Variants in SMYD3 observed in about 807,000 individuals in gnomAD.
The protein encoded by SMYD3 is SET and MYND domain containing 3.
SMYD3 carries 36 observed loss-of-function variants against 57.7 expected under a neutral mutation model. The observed-to-expected ratio is 0.62, with a 90% CI of 0.48 to 0.82. SMYD3 has a LOEUF of 0.82. SMYD3 is among the 40% of genes least tolerant of loss of function. The probability of loss-of-function intolerance (pLI) is 0.00; values close to 1 mark genes in which losing one functional copy is unlikely to be tolerated. For missense variants in SMYD3, 515 were observed against 538.8 expected (o/e 0.96, Z 0.44); for synonymous variants, 211 against 195.0 (o/e 1.08, Z -0.68).
intron 8 of SMYD3, among the ~76,000 whole-genome samples, chr1:245,891,854 G>T (rs114676000): frequency 0.015 from 2,234 of 152,218 alleles, 47 homozygotes; most frequent in African/African-American, 0.045. Context: ...ACTAGCCTGG[G>T]CAATACAGTG....
At chr1:246,248,892 G>A (rs1377310856) in intron 5 of SMYD3, among the ~76,000 whole-genome samples, 4 of 140,318 alleles carry the variant, frequency 2.9e-5, no homozygotes, top group Admixed American at 7.5e-5. Flanking sequence ...TCCTGACCTC[G>A]TGACCCGCGC....
chr1:246,457,060 T>G (rs1241548182), intron 1 of SMYD3, among the ~76,000 whole-genome samples: 4 of 152,152 alleles, frequency 2.6e-5, no homozygotes, highest in Admixed American at 6.5e-5. Flanking sequence ...TTCCATCTCT[T>G]GAGTAGACTT....
intron 1 of SMYD3, among the ~76,000 whole-genome samples, chr1:246,443,831 T>C (rs1455125225): frequency 1.3e-5 from 2 of 152,236 alleles, no homozygotes; most frequent in Admixed American, 6.5e-5. Flanking sequence ...ATGAAATATG[T>C]CCACCAAACA....
intron 5 of SMYD3, among the ~76,000 whole-genome samples, chr1:246,220,185 T>C (rs891120004): frequency 2.6e-5 from 4 of 152,074 alleles, no homozygotes; most frequent in Non-Finnish European, 5.9e-5. Context: ...CTTCCACATC[T>C]GTTGACTAGG....
intron 5 of SMYD3, among the ~76,000 whole-genome samples, chr1:246,064,779 G>A (rs13376689): frequency 0.11 from 16,192 of 152,256 alleles, 954 homozygotes; most frequent in African/African-American, 0.13. Context: ...CTTCTAGACC[G>A]GACTGAACTT....
At chr1:245,787,089 C>A (rs907524616) in intron 10 of SMYD3, among the ~76,000 whole-genome samples, 7 of 152,214 alleles carry the variant, frequency 4.6e-5, no homozygotes, top group East Asian at 1.9e-4. Flanking sequence ...CTTTACAACG[C>A]CTTCTTCCAC....
intron 8 of SMYD3, among the ~76,000 whole-genome samples, chr1:245,898,481 G>A (rs998475472): frequency 2.6e-5 from 4 of 152,236 alleles, no homozygotes; most frequent in African/African-American, 4.8e-5. Flanking sequence ...GGCAACCTAT[G>A]AGTATGAAGT....
intron 8 of SMYD3, among the ~76,000 whole-genome samples, chr1:245,878,668 A>T (rs1479918799): frequency 6.6e-6 from 1 of 152,162 alleles, no homozygotes; most frequent in Admixed American, 6.5e-5. Flanking sequence ...CCAGCTGAGG[A>T]CAACTTGGCA....
chr1:245,804,647 T>C (rs1466802793), intron 10 of SMYD3, among the ~76,000 whole-genome samples: 2 of 152,236 alleles, frequency 1.3e-5, no homozygotes, highest in Admixed American at 1.3e-4. Context: ...ATGAGGGCTC[T>C]GCTCTTATAA....
chr1:246,331,088 T>C (rs2065452952), intron 3 of SMYD3, among the ~76,000 whole-genome samples: 2 of 152,284 alleles, frequency 1.3e-5, no homozygotes, highest in Non-Finnish European at 2.9e-5. Flanking sequence ...TGAGCTATGA[T>C]TGTGCTACTA....
intron 6 of SMYD3, among the ~76,000 whole-genome samples, chr1:245,929,364 G>A (rs1031953038): frequency 5.9e-5 from 9 of 152,204 alleles, no homozygotes; most frequent in Non-Finnish European, 5.9e-5. Flanking sequence ...GTGGAGAGAC[G>A]GTTTCATAGC....
chr1:245,870,837 A>AT (rs61457564), intron 8 of SMYD3, among the ~76,000 whole-genome samples: 4 of 150,422 alleles, frequency 2.7e-5, no homozygotes, highest in Admixed American at 1.3e-4. Flanking sequence ...CAGGTTAAAC[A>AT]CACGAATCCA....
At chr1:246,236,605 A>C (rs2333993) in intron 5 of SMYD3, among the ~76,000 whole-genome samples, 2 of 151,730 alleles carry the variant, frequency 1.3e-5, no homozygotes, top group African/African-American at 4.8e-5. Flanking sequence ...TAGTAGAGAC[A>C]GGGTTTCACT....
chr1:246,086,703 CT>C lies in SMYD3; in HGVS notation c.532-156767del, dbSNP rs201039814. 1.9e-3 allele frequency among the ~76,000 whole-genome samples: 279 copies of C among 150,498 alleles called. 1 individual carries two copies. The highest frequency in any genetic ancestry group is 5.9e-3 in the African/African-American group (243 of 40,928). On this transcript the variant is annotated intron_variant, in intron 5 of 11. Transcript: ENST00000490107. ...TATGACACCTAAAATGCCAAATTTT[CT>C]TTTTTTTTAATTTTTTTAATTTTTA...
chr1:246,092,502 A>G (rs1040700010), intron 5 of SMYD3, among the ~76,000 whole-genome samples: 4 of 152,188 alleles, frequency 2.6e-5, no homozygotes, highest in African/African-American at 9.6e-5. Flanking sequence ...CCAAGAACAT[A>G]CATTGGGGTA....
intron 8 of SMYD3, among the ~76,000 whole-genome samples, chr1:245,878,358 G>C (rs1185008580): frequency 1.3e-5 from 2 of 152,166 alleles, no homozygotes; most frequent in Non-Finnish European, 2.9e-5. Context: ...CCAACAGATG[G>C]GGCAGCAAGG....
intron 10 of SMYD3, among the ~76,000 whole-genome samples, chr1:245,801,463 T>A (rs925967367): frequency 4.6e-5 from 7 of 152,166 alleles, no homozygotes; most frequent in African/African-American, 1.4e-4. Context: ...CAAGTCTAAG[T>A]CCATGATTTA....
At chr1:246,363,042 G>A (rs370829463) in intron 1 of SMYD3, among the ~76,000 whole-genome samples, 8 of 142,656 alleles carry the variant, frequency 5.6e-5, no homozygotes, top group East Asian at 2.2e-4. Flanking sequence ...GCCGCCCATC[G>A]TCTGAGATGT....
intron 5 of SMYD3, among the ~76,000 whole-genome samples, chr1:246,113,189 AAAT>A (rs1165564061): frequency 2.9e-5 from 2 of 67,834 alleles, no homozygotes; most frequent in African/African-American, 2.3e-4. Flanking sequence ...CTCAAAAAAT[AAAT>A]AAATAAATAA....
Sources: gnomAD v4.1 joint callset for allele counts (sites outside exome capture counted in the v4.1 genomes callset) on GRCh38, gnomAD v4.1.1 for gene constraint, MANE v1.5 for transcripts, NCBI Gene and HGNC (gene_info 2026-07-23, HGNC 2026-07-21) for gene names.